Variants in PAIP2B observed in about 807,000 individuals in gnomAD.
PAIP2B encodes polyadenylate-binding protein-interacting protein 2B.
A neutral mutation model predicts 17.0 loss-of-function variants in PAIP2B; 13 were observed. The observed-to-expected ratio is 0.76, with a 90% CI of 0.50 to 1.22. The LOEUF (loss-of-function observed/expected upper bound fraction) is 1.22. Ranked by LOEUF, PAIP2B falls within the 50% of genes most tolerant of loss-of-function variation. The probability of loss-of-function intolerance (pLI) is 0.00; values close to 1 mark genes in which losing one functional copy is unlikely to be tolerated. For synonymous variants in PAIP2B, 43 were observed against 48.7 expected (o/e 0.88, Z 0.48); for missense variants, 117 against 144.5 (o/e 0.81, Z 0.98).
In PAIP2B at chr2:71,188,325, A is replaced by G. The variant is rs1674595083; in HGVS notation, c.*154T>C. On this transcript the variant is annotated 3_prime_UTR_variant, in exon 4 of 4. Transcript: ENST00000244221. The stretch of plus-strand genomic sequence containing the variant: ...AGAGGCTTAGAATAAGACTGAGCAT[A>G]TTAGTTACTCAGAGTCACAGTATTG... The G allele has an allele frequency of 3.1e-6, 2 of 635,950 alleles. No homozygotes were observed. Among genetic ancestry groups the G allele is most frequent in the Admixed American group, 2.8e-5 (1 of 35,282 alleles). The allele number at this position is 635,950 out of a possible 1,614,324, so 39.4% of individuals were successfully genotyped here.
chr2:71,196,426 A>C (rs1409162780), intron 2 of PAIP2B, among the ~76,000 whole-genome samples: 2 of 152,098 alleles, frequency 1.3e-5, no homozygotes. Context: ...TTTTATGTCC[A>C]ATTATGTGGT....
intron 2 of PAIP2B, among the ~76,000 whole-genome samples, chr2:71,195,681 C>T (rs534995686): frequency 1.2e-4 from 18 of 152,308 alleles, no homozygotes; most frequent in African/African-American, 3.6e-4. Flanking sequence ...CTCTGTCACC[C>T]AGGCTGGAGT....
intron 2 of PAIP2B, among the ~76,000 whole-genome samples, chr2:71,201,176 A>G (rs1674975625): frequency 6.6e-6 from 1 of 152,188 alleles, no homozygotes; most frequent in African/African-American, 2.4e-5. Flanking sequence ...GGCTTCTAAT[A>G]GCCCTGGTGC....
rs574983126 is a variant in PAIP2B, at chr2:71,188,391, G to A, written c.*88C>T. The stretch of plus-strand genomic sequence containing the variant: ...CCTTCCCGCTGTGCACCCCTCGCCC[G>A]CCCCATCCCCCTCTTCAGCTCCACC... On this transcript the variant is annotated 3_prime_UTR_variant, in exon 4 of 4. Coordinates refer to ENST00000244221, the MANE Select transcript of PAIP2B (RefSeq NM_020459.1). 3.1e-5 allele frequency: 20 copies of A among 655,534 alleles called. No individual in the cohort carries two copies. The highest frequency in any genetic ancestry group is 1.6e-4 in the South Asian group (10 of 62,634). 40.6% of individuals were successfully genotyped at this position (655,534 alleles called of 1,614,324 possible).
At chr2:71,209,617 A>C (rs1042628120) in intron 1 of PAIP2B, among the ~76,000 whole-genome samples, 2 of 152,176 alleles carry the variant, frequency 1.3e-5, no homozygotes, top group African/African-American at 4.8e-5. Context: ...CCCTGGTAGC[A>C]GGAATGCTTA....
chr2:71,197,838 A>G (rs1674861599), intron 2 of PAIP2B, among the ~76,000 whole-genome samples: 1 of 152,202 alleles, frequency 6.6e-6, no homozygotes. Context: ...CCAATTCACT[A>G]TCATGAGAAC....
At chr2:71,221,962 A>G (rs1572940369) in intron 1 of PAIP2B, among the ~76,000 whole-genome samples, 1 of 152,220 alleles carries the variant, frequency 6.6e-6, no homozygotes, top group South Asian at 2.1e-4. Flanking sequence ...GAAACGGAAC[A>G]TGGGAGGGGA....
At chr2:71,202,667 T>A (rs574619447) in intron 1 of PAIP2B, 67 bp from the exon 2 acceptor site, 1 of 1,337,292 alleles carries the variant, frequency 7.5e-7, no homozygotes, top group East Asian at 2.3e-5. Context: ...ACCTAAAACA[T>A]GCAGATTCTG....
intron 2 of PAIP2B, among the ~76,000 whole-genome samples, chr2:71,196,367 A>G (rs1181721319): frequency 6.6e-6 from 1 of 152,162 alleles, no homozygotes; most frequent in Non-Finnish European, 1.5e-5. Flanking sequence ...GCTGTGGTCC[A>G]AGAGTGTGTT....
chr2:71,192,684 T>C (rs1674717532), intron 2 of PAIP2B, among the ~76,000 whole-genome samples: 2 of 152,142 alleles, frequency 1.3e-5, no homozygotes, highest in African/African-American at 4.8e-5. Context: ...TGAGAACATG[T>C]AGTGTTTGGT....
In PAIP2B at chr2:71,185,112, A is replaced by C. The variant is rs948214923; in HGVS notation, c.*3367T>G. ...GTTTACTTTGGCAGCCTCTTCACAC[A>C]ACTTTCCTCTCTAACACGTGTTAAT... On this transcript the variant is annotated 3_prime_UTR_variant, in exon 4 of 4. Transcript: ENST00000244221. 6.6e-6 allele frequency: 1 copy of C among 152,110 alleles called. No homozygotes were observed. The highest frequency in any genetic ancestry group is 1.5e-5 in the Non-Finnish European group (1 of 68,022). The allele number at this position is 152,110 out of a possible 1,614,324, so 9.4% of individuals were successfully genotyped here.
At chr2:71,198,813 T>G (rs13000488) in intron 2 of PAIP2B, among the ~76,000 whole-genome samples, 10,145 of 152,294 alleles carry the variant, frequency 0.067, 378 homozygotes, top group African/African-American at 0.093. Context: ...CATTGTGAAA[T>G]TCTTGTGTTA....
chr2:71,205,299 C>T (rs1675098487), intron 1 of PAIP2B, among the ~76,000 whole-genome samples: 1 of 152,212 alleles, frequency 6.6e-6, no homozygotes, highest in African/African-American at 2.4e-5. Flanking sequence ...ACTATTCAAC[C>T]TGTGTTTTCC....
chr2:71,223,700 G>C (rs191271855), intron 1 of PAIP2B, among the ~76,000 whole-genome samples: 1 of 152,222 alleles, frequency 6.6e-6, no homozygotes, highest in South Asian at 2.1e-4. Context: ...GCCTCCCAAA[G>C]TGCTGGGATT....
chr2:71,197,425 TTCTC>T (rs2103770903), intron 2 of PAIP2B, among the ~76,000 whole-genome samples: 1 of 152,320 alleles, frequency 6.6e-6, no homozygotes, highest in Non-Finnish European at 1.5e-5. Context: ...GACCTACCCT[TTCTC>T]TCTAGCTGTC....
chr2:71,202,632 A>G, intron 1 of PAIP2B, 32 bp from the exon 2 acceptor site: 1 of 1,565,698 alleles, frequency 6.4e-7, no homozygotes, highest in Non-Finnish European at 8.8e-7. Flanking sequence ...GATAAAATGA[A>G]TATAAGGATA....
At chr2:71,204,401 G>GT (rs1451013960) in intron 1 of PAIP2B, among the ~76,000 whole-genome samples, 4 of 152,038 alleles carry the variant, frequency 2.6e-5, no homozygotes, top group South Asian at 2.1e-4. Context: ...CTCTTTAAAG[G>GT]TTTTTTGTTT....
chr2:71,223,605 T>A (rs1675647329), intron 1 of PAIP2B, among the ~76,000 whole-genome samples: 1 of 151,802 alleles, frequency 6.6e-6, no homozygotes, highest in Non-Finnish European at 1.5e-5. Flanking sequence ...CCTGGCTAAT[T>A]TTTTTGTATT....
At chr2:71,188,637 A>T (rs1674604672) in intron 3 of PAIP2B, 102 bp from the exon 4 acceptor site, 1 of 988,590 alleles carries the variant, frequency 1.0e-6, no homozygotes, top group Admixed American at 2.2e-5. Context: ...TTAGGGAGAG[A>T]AAGAAAATTC....
Sources: gnomAD v4.1 joint callset for allele counts (sites outside exome capture counted in the v4.1 genomes callset) on GRCh38, gnomAD v4.1.1 for gene constraint, MANE v1.5 for transcripts, NCBI Gene and HGNC (gene_info 2026-07-23, HGNC 2026-07-21) for gene names.